Variants in NIPBL observed in about 807,000 individuals in gnomAD.
NIPBL encodes NIPBL cohesin loading factor.
In NIPBL, 19 loss-of-function variants were observed where a neutral mutation model predicts 321.8. The observed-to-expected ratio is 0.06, with a 90% confidence interval of 0.04 to 0.09. The LOEUF is 0.09. Among genes scored for constraint, NIPBL ranks in the 10% least tolerant of loss-of-function variants. The pLI is 1.00. For synonymous variants in NIPBL, 1,106 were observed against 1,114.1 expected (o/e 0.99, Z 0.14); for missense variants, 2,210 against 3,327.0 (o/e 0.66, Z 8.26).
Position 37,045,433 on chromosome 5 carries a change from T to A in NIPBL, c.6344-10T>A, listed in dbSNP as rs762160942. ...AAATATTATAAGTAAATATTACTTA[T>A]CTTTATTAGGTGCCATTTCAAAATT... On this transcript the variant is annotated splice_polypyrimidine_tract_variant and intron_variant, in intron 36 of 46. Coordinates refer to ENST00000282516, the MANE Select transcript of NIPBL (RefSeq NM_133433.4). The A allele has an allele frequency of 6.3e-7, 1 of 1,577,926 alleles. No individual in the cohort carries two copies. The highest frequency in any genetic ancestry group is 1.3e-5 in the African/African-American group (1 of 74,080).
chr5:36,979,638 G>T (rs1743914960), intron 9 of NIPBL, among the ~76,000 whole-genome samples: 1 of 151,584 alleles, frequency 6.6e-6, no homozygotes, highest in South Asian at 2.1e-4. Flanking sequence ...AACTGGTAAA[G>T]TTTTGATATT....
chr5:36,899,664 C>T (rs1747052700), intron 1 of NIPBL, among the ~76,000 whole-genome samples: 1 of 152,172 alleles, frequency 6.6e-6, no homozygotes. Context: ...ATGCTTGCCT[C>T]CTGATTTTGT....
At chr5:36,926,208 T>A (rs993753673) in intron 1 of NIPBL, among the ~76,000 whole-genome samples, 4 of 152,258 alleles carry the variant, frequency 2.6e-5, no homozygotes, top group African/African-American at 9.6e-5. Flanking sequence ...TGTTACTGAC[T>A]GTTCCAGTTA....
Position 37,044,623 on chromosome 5 carries a change from C to G in NIPBL, c.6250-13C>G. On this transcript the variant is annotated splice_polypyrimidine_tract_variant and intron_variant, in intron 35 of 46. Coordinates refer to ENST00000282516, the MANE Select transcript of NIPBL (RefSeq NM_133433.4). ...TTTTTAACTTTTATCTAAACATTTT[C>G]TATATCTTTTAGGTAGTGCAACATT... The G allele has an allele frequency of 1.9e-6, 3 of 1,607,776 alleles. No individual in the cohort carries two copies. The highest frequency in any genetic ancestry group is 2.6e-6 in the Non-Finnish European group (3 of 1,175,390).
chr5:36,959,684 T>G (rs995229005), intron 4 of NIPBL, among the ~76,000 whole-genome samples: 2 of 152,236 alleles, frequency 1.3e-5, no homozygotes, highest in East Asian at 3.8e-4. Context: ...CTAAGGCTAC[T>G]AATACTACAT....
chr5:36,920,245 TTG>T (rs1324302995), intron 1 of NIPBL, among the ~76,000 whole-genome samples: 1 of 152,214 alleles, frequency 6.6e-6, no homozygotes, highest in Non-Finnish European at 1.5e-5. Context: ...GCATTTAGAT[TTG>T]TGTCACTTGA....
rs148375273 is a variant in NIPBL, at chr5:37,052,452, A to G, written c.7149A>G (p.Arg2383=). The part of the protein sequence containing the change: ...TCLKDPVRGF[R]QDESSSALCS... ...TAAAAGATCCTGTAAGGGGTTTCAG[A>G]CAAGACGAGTCCTCTAGCGCTTTGT... The change falls in exon 42 of 47, where the codon AGA becomes AGG. Residue 2383 remains arginine, a synonymous_variant. Transcript: ENST00000282516. 8 of 1,614,140 alleles carry G rather than the reference A, an allele frequency of 5.0e-6. No individual in the cohort carries two copies. Among genetic ancestry groups the G allele is most frequent in the Admixed American group, 1.7e-5 (1 of 60,028 alleles).
At chr5:36,885,974 G>A (rs1745873585) in intron 1 of NIPBL, 6 of 729,138 alleles carry the variant, frequency 8.2e-6, no homozygotes, top group South Asian at 1.4e-5. Context: ...CCAATACGAC[G>A]AGCTAGCTCA....
intron 1 of NIPBL, among the ~76,000 whole-genome samples, chr5:36,895,221 A>G (rs1746643517): frequency 6.6e-6 from 1 of 152,198 alleles, no homozygotes; most frequent in Non-Finnish European, 1.5e-5. Context: ...CTGTATTCAT[A>G]TAAGTGGAAT....
intron 1 of NIPBL, among the ~76,000 whole-genome samples, chr5:36,944,794 A>T (rs1296825124): frequency 6.6e-6 from 1 of 152,128 alleles, no homozygotes; most frequent in East Asian, 1.9e-4. Context: ...ATAAGTTGAA[A>T]GTGTGCCCTC....
At chr5:36,912,148 G>A (rs1337326866) in intron 1 of NIPBL, among the ~76,000 whole-genome samples, 3 of 152,116 alleles carry the variant, frequency 2.0e-5, no homozygotes, top group Non-Finnish European at 4.4e-5. Context: ...CAGTATAGTA[G>A]GATAAAAGAG....
At chr5:37,052,049 A>G (rs545345575) in intron 41 of NIPBL, among the ~76,000 whole-genome samples, 163 bp downstream of exon 41, 11 of 152,268 alleles carry the variant, frequency 7.2e-5, no homozygotes, top group Admixed American at 5.9e-4. Context: ...TGTTTATTCT[A>G]GTCTAAAGTT....
chr5:37,000,310 A>T (rs80358357), intron 11 of NIPBL, 63 bp from the exon 12 acceptor site: 222 of 1,508,044 alleles, frequency 1.5e-4, no homozygotes, highest in Non-Finnish European at 1.9e-4. Context: ...TCATTTGTAA[A>T]GTACAAGTTT....
At chr5:37,054,256 G>C (rs576891052) in intron 42 of NIPBL, among the ~76,000 whole-genome samples, 12 of 150,684 alleles carry the variant, frequency 8.0e-5, no homozygotes, top group African/African-American at 2.7e-4. Context: ...CCTGACAGCA[G>C]ATTTTTGCAA....
intron 9 of NIPBL, among the ~76,000 whole-genome samples, chr5:36,981,339 A>G (rs189432219): frequency 6.6e-6 from 1 of 151,848 alleles, no homozygotes; most frequent in East Asian, 1.9e-4. Flanking sequence ...AAGTAAAGGG[A>G]TAGAATAATC....
chr5:36,929,502 T>C (rs1749616815), intron 1 of NIPBL, among the ~76,000 whole-genome samples: 1 of 152,074 alleles, frequency 6.6e-6, no homozygotes, highest in African/African-American at 2.4e-5. Flanking sequence ...TCCCAGTCTA[T>C]GGCTTGTCTT....
In NIPBL at chr5:36,985,383, A is replaced by G. The variant is rs2149644805; in HGVS notation, c.2203A>G (p.Thr735Ala). ...PKQKGDGRPETPKQKGESRPE... is the reference protein window; with the variant it reads ...PKQKGDGRPEAPKQKGESRPE... ...ACAGAAGGGTGATGGAAGGCCTGAA[A>G]CTCCAAAGCAAAAAGGTGAGAGCCG... Residue 735 changes from threonine to alanine, a missense_variant, in exon 10 of 47, where the codon ACT (threonine) becomes GCT (alanine). Around this residue, in one of 14 missense-constraint regions of NIPBL, gnomAD observed 588 missense variants for 564.1 expected, o/e 1.04. Coordinates refer to ENST00000282516, the MANE Select transcript of NIPBL (RefSeq NM_133433.4). The G allele has an allele frequency of 6.2e-7, 1 of 1,613,646 alleles. No individual in the cohort carries two copies. Among genetic ancestry groups the G allele is most frequent in the African/African-American group, 1.3e-5 (1 of 74,990 alleles).
chr5:37,026,291 A>C lies in NIPBL; in HGVS notation c.5772A>C (p.Glu1924Asp), dbSNP rs771252680. 4.0e-5 allele frequency: 64 copies of C among 1,611,682 alleles called. No individual in the cohort carries two copies. The highest frequency in any genetic ancestry group is 5.0e-5 in the Non-Finnish European group (59 of 1,178,154). Residue 1924 changes from glutamate (E) to aspartate (D), a missense_variant, in exon 31 of 47, where the codon GAA becomes GAC. This residue lies in a region of NIPBL where 69 missense variants were observed against 100.8 expected (regional missense o/e 0.68). Coordinates refer to ENST00000282516, the MANE Select transcript of NIPBL (RefSeq NM_133433.4). ...CTCCAACTCCACACAATGACAAAGA[A>C]GCAATGACAAGGAAAATTTTAAACA... ...WFTPTPHNDK[E>D]AMTRKILNIT...
intron 40 of NIPBL, among the ~76,000 whole-genome samples, chr5:37,050,662 T>C (rs943835403): frequency 6.6e-6 from 1 of 152,132 alleles, no homozygotes; most frequent in African/African-American, 2.4e-5. Context: ...TTATGATTCT[T>C]TACCACTAAA....
Sources: gnomAD v4.1 joint callset for allele counts (sites outside exome capture counted in the v4.1 genomes callset) on GRCh38, gnomAD v4.1.1 for gene constraint, gnomAD v4.1.1 regional missense constraint, MANE v1.5 for transcripts, NCBI Gene and HGNC (gene_info 2026-07-23, HGNC 2026-07-21) for gene names.